ENKUR: variants seen among roughly 807,000 people sequenced by gnomAD.
ENKUR encodes enkurin.
ENKUR carries 19 observed loss-of-function variants against 27.6 expected under a neutral mutation model. That is an observed-to-expected ratio of 0.69 (90% CI 0.48 to 1.01). The LOEUF (loss-of-function observed/expected upper bound fraction) is 1.01. Among genes scored for constraint, ENKUR ranks in the 50% least tolerant of loss-of-function variants. The pLI is 0.00. For missense variants in ENKUR, 312 were observed against 310.5 expected (o/e 1.00, Z -0.04); for synonymous variants, 117 against 96.9 (o/e 1.21, Z -1.22).
chr10:25,032,558 C>T (rs1850948696), intron 2 of ENKUR, among the ~76,000 whole-genome samples: 1 of 152,132 alleles, frequency 6.6e-6, no homozygotes, highest in Non-Finnish European at 1.5e-5. Flanking sequence ...TTCTCTTGTT[C>T]TTAGTTCTAT....
intron 2 of ENKUR, among the ~76,000 whole-genome samples, chr10:25,046,214 T>C (rs1386911857): frequency 6.6e-6 from 1 of 152,094 alleles, no homozygotes; most frequent in African/African-American, 2.4e-5. Flanking sequence ...GGTGGAACAA[T>C]CAGAATGATA....
chr10:25,046,575 C>G (rs771329000), intron 2 of ENKUR, among the ~76,000 whole-genome samples: 6 of 152,206 alleles, frequency 3.9e-5, no homozygotes, highest in Non-Finnish European at 8.8e-5. Flanking sequence ...GATTTAATCT[C>G]TCTGTGCCTT....
In ENKUR at chr10:25,024,407, A is replaced by G; in HGVS notation, c.38-28538T>C. ...TTAAATGGTTTTAGTCGTCTAAATA[A>G]GAATGATAAGCAAAGGATAGCTGTG... On this transcript the variant is annotated intron_variant, in intron 2 of 5. Transcript: ENST00000615958. 1 of 1,613,966 alleles carries G rather than the reference A, an allele frequency of 6.2e-7. No individual in the cohort carries two copies. The highest frequency in any genetic ancestry group is 8.5e-7 in the Non-Finnish European group (1 of 1,180,018).
chr10:25,061,040 A>C, intron 2 of ENKUR: 2 of 1,407,040 alleles, frequency 1.4e-6, no homozygotes, highest in Non-Finnish European at 9.7e-7. Flanking sequence ...TGAGACAAGG[A>C]TATCTCTAAG....
At chr10:25,022,742 C>T (rs1850750089) in intron 2 of ENKUR, among the ~76,000 whole-genome samples, 1 of 152,020 alleles carries the variant, frequency 6.6e-6, no homozygotes, top group African/African-American at 2.4e-5. Flanking sequence ...TTGTGAATTG[C>T]AAGTAGATAG....
At chr10:25,048,562 C>T (rs1564357297) in intron 2 of ENKUR, among the ~76,000 whole-genome samples, 2 of 151,856 alleles carry the variant, frequency 1.3e-5, no homozygotes, top group East Asian at 1.9e-4. Context: ...AAGCCCCAGT[C>T]GTGGAGTTCA....
chr10:25,036,288 C>T (rs939426650), intron 2 of ENKUR, among the ~76,000 whole-genome samples: 3 of 152,126 alleles, frequency 2.0e-5, no homozygotes, highest in Non-Finnish European at 4.4e-5. Flanking sequence ...AGGGGAAACC[C>T]ATTTTGCTTG....
chr10:25,028,315 A>G (rs1263130038), intron 2 of ENKUR, among the ~76,000 whole-genome samples: 1 of 152,184 alleles, frequency 6.6e-6, no homozygotes, highest in Non-Finnish European at 1.5e-5. Context: ...ACAAGTGACC[A>G]TACATAACAC....
chr10:24,988,662 A>G (rs1253094639), intron 4 of ENKUR, among the ~76,000 whole-genome samples: 4 of 106,688 alleles, frequency 3.7e-5, no homozygotes, highest in African/African-American at 1.3e-4. Flanking sequence ...GACACAGCAT[A>G]TGTATATATA....
intron 2 of ENKUR, chr10:25,023,187 A>G (rs377596403): frequency 9.6e-6 from 15 of 1,568,590 alleles, no homozygotes; most frequent in African/African-American, 2.7e-5. Flanking sequence ...GCTAAAGCCA[A>G]TTTTTAGGTT....
chr10:24,990,536 C>A lies in ENKUR; in HGVS notation c.521G>T (p.Arg174Leu). Reference protein sequence around the residue: ...EIKKAQEDYDRYIQENLKKAA... With the variant: ...EIKKAQEDYDLYIQENLKKAA... ...TTTCTTAAGGTTTTCCTGGATATAA[C>A]GATCATAGTCTTCTTGGGCTTTCTT... Residue 174 changes from arginine (R) to leucine (L), a missense_variant, in exon 4 of 6, where the codon CGT becomes CTT. By Grantham distance (102) the Arg-to-Leu change is moderately radical (BLOSUM62 -2). Transcript: ENST00000331161. The A allele has an allele frequency of 1.2e-6, 2 of 1,614,046 alleles. No individual in the cohort carries two copies. The highest frequency in any genetic ancestry group is 1.7e-6 in the Non-Finnish European group (2 of 1,180,008).
At chr10:25,055,678 T>C (rs1373377416) in intron 2 of ENKUR, among the ~76,000 whole-genome samples, 1 of 152,224 alleles carries the variant, frequency 6.6e-6, no homozygotes, top group African/African-American at 2.4e-5. Context: ...CTTCGATTTT[T>C]AAAATTTGGG....
chr10:25,006,749 A>C (rs1307456384), intron 1 of ENKUR, among the ~76,000 whole-genome samples: 3 of 152,204 alleles, frequency 2.0e-5, no homozygotes, highest in African/African-American at 7.2e-5. Context: ...TGAAGCAAAA[A>C]GGACTCAGTT....
upstream of ENKUR, among the ~76,000 whole-genome samples, chr10:25,017,644 T>G (rs1850634176): frequency 6.6e-6 from 1 of 151,530 alleles, no homozygotes; most frequent in South Asian, 2.1e-4. Context: ...TTGTATACAG[T>G]TGATTTTAAT....
rs374906882 is a variant in ENKUR, at chr10:25,024,863, G to T, written c.38-28994C>A. 2.7e-5 allele frequency: 44 copies of T among 1,613,880 alleles called. No individual in the cohort carries two copies. The highest frequency in any genetic ancestry group is 2.2e-5 in the South Asian group (2 of 91,076). On this transcript the variant is annotated intron_variant, in intron 2 of 5. Transcript: ENST00000615958. ...GTTTTGACTGATTTTATAAAAACAG[G>T]ACATTATGATCTAAGGGAAAGAAAA...
chr10:25,024,070 C>G, intron 2 of ENKUR: 3 of 1,614,134 alleles, frequency 1.9e-6, no homozygotes, highest in Non-Finnish European at 2.5e-6. Context: ...GTGGAAAAGC[C>G]TAGTAGGAGC....
intron 2 of ENKUR, among the ~76,000 whole-genome samples, chr10:25,021,256 CACTT>C (rs1850713218): frequency 6.6e-6 from 1 of 152,238 alleles, no homozygotes; most frequent in Middle Eastern, 3.4e-3. Context: ...TTATTATAGA[CACTT>C]ATATAGCTAA....
chr10:25,023,837 G>C, intron 2 of ENKUR: 1 of 1,614,226 alleles, frequency 6.2e-7, no homozygotes, highest in South Asian at 1.1e-5. Flanking sequence ...TTCTGTGAAA[G>C]TGGGGCTTCC....
chr10:25,054,315 A>C (rs2039386771), intron 2 of ENKUR, among the ~76,000 whole-genome samples: 1 of 152,134 alleles, frequency 6.6e-6, no homozygotes, highest in South Asian at 2.1e-4. Context: ...TCAGCTATTT[A>C]GGAGGCTGAG....
Sources: gnomAD v4.1 joint callset for allele counts (sites outside exome capture counted in the v4.1 genomes callset) on GRCh38, gnomAD v4.1.1 for gene constraint, MANE v1.5 for transcripts, NCBI Gene and HGNC (gene_info 2026-07-23, HGNC 2026-07-21) for gene names.